Variants in GPR137C observed in about 807,000 individuals in gnomAD.
The protein encoded by GPR137C is integral membrane protein GPR137C.
A neutral mutation model predicts 43.4 loss-of-function variants in GPR137C; 27 were observed. That is an observed-to-expected ratio of 0.62 (90% CI 0.46 to 0.86). GPR137C has a LOEUF of 0.86. GPR137C is among the 40% of genes least tolerant of loss of function. GPR137C has a pLI of 0.00. For synonymous variants in GPR137C, 285 were observed against 226.9 expected, an observed-to-expected ratio of 1.26 and a Z score of -2.30; for missense variants, 522 against 534.6, an observed-to-expected ratio of 0.98 and a Z score of 0.23.
intron 2 of GPR137C, 62 bp downstream of exon 2, chr14:52,598,377 T>C: frequency 2.9e-6 from 2 of 683,028 alleles, no homozygotes; most frequent in Non-Finnish European, 2.5e-6. Context: ...TCATTAATAT[T>C]AAGGCTTAGT....
chr14:52,612,240 C>T, intron 3 of GPR137C: 1 of 976,516 alleles, frequency 1.0e-6, no homozygotes. Context: ...GTATTTGGAA[C>T]TCAGTGTAAA....
intron 3 of GPR137C, chr14:52,611,914 A>G (rs1410417039): frequency 3.1e-6 from 3 of 981,592 alleles, no homozygotes; most frequent in African/African-American, 3.5e-5. Context: ...ACTCGCTATC[A>G]TCTTCATCAT....
chr14:52,577,258 A>G (rs1466433361), intron 1 of GPR137C, among the ~76,000 whole-genome samples: 3 of 151,328 alleles, frequency 2.0e-5, no homozygotes, highest in Non-Finnish European at 4.4e-5. Context: ...TCTATGGGTA[A>G]ACAGTGAAAT....
chr14:52,632,168 T>C lies in GPR137C; in HGVS notation c.726T>C (p.Ser242=). The change falls in exon 4 of 7, where the codon TCT becomes TCC. Residue 242 remains serine (S), a synonymous_variant. Coordinates refer to ENST00000321662, the MANE Select transcript of GPR137C (RefSeq NM_001099652.2). ...ATTTTTATTTGTTTTAGGGTATGTC[T>C]CTGTGCCAGACTGTCGTCGTGGGCT... ...ANVYLESKGM[S]LCQTVVVGSV... 10 of 1,603,418 alleles carry C rather than the reference T, an allele frequency of 6.2e-6. No individual in the cohort carries two copies. The highest frequency in any genetic ancestry group is 1.7e-6 in the Non-Finnish European group (2 of 1,171,308).
At position 52,583,807 on chromosome 14, in the gene GPR137C, A is replaced by C. The variant is rs192861417; in HGVS notation, c.445-14465A>C. Among the ~76,000 whole-genome samples, 4 of 152,192 alleles carry C rather than the reference A, an allele frequency of 2.6e-5. No individual in the cohort carries two copies. In the East Asian group the frequency reaches 5.8e-4, roughly 22 times the overall value. Reference sequence around the variant, plus strand: ...TTTCCTGTGATATATGATCTTTCTCAAAACCCTTATTGATAACCCATCTAA... The same window carrying C: ...TTTCCTGTGATATATGATCTTTCTCCAAACCCTTATTGATAACCCATCTAA... On this transcript the variant is annotated intron_variant, in intron 1 of 6. Coordinates refer to ENST00000321662, the MANE Select transcript of GPR137C (RefSeq NM_001099652.2).
rs766696487 is a variant in GPR137C, at chr14:52,553,395, G to C, written c.248G>C (p.Ser83Thr). 8 of 1,607,400 alleles carry C rather than the reference G, an allele frequency of 5.0e-6. No homozygotes were observed. Among genetic ancestry groups the C allele is most frequent in the African/African-American group, 1.3e-5 (1 of 74,934 alleles). Residue 83 changes from serine (S) to threonine (T), a missense_variant, in exon 1 of 7, where the codon AGC (serine) becomes ACC (threonine). Around this residue, in one of 3 missense-constraint regions of GPR137C, gnomAD observed 437 missense variants for 425.7 expected, o/e 1.03. Coordinates refer to ENST00000321662, the MANE Select transcript of GPR137C (RefSeq NM_001099652.2). The stretch of plus-strand genomic sequence containing the variant: ...CGCGAGCGGCGGCTGAGTTACCAGA[G>C]CCTCTGCCTCTTCCTCTGTCTCCTG... ...LYRERRLSYQ[S>T]LCLFLCLLWA...
Position 52,553,192 on chromosome 14 carries a change from A to G in GPR137C, c.45A>G (p.Ala15=), listed in dbSNP as rs1594774509. Residue 15 remains alanine (A), a synonymous_variant, in exon 1 of 7, where the codon GCA becomes GCG. Transcript: ENST00000321662. ...VPGPAAAAAP[A]AGREPSTPGG... is the part of the protein sequence containing the mutation. Reference sequence around the variant, plus strand: ...GTCCGGCGGCCGCTGCCGCCCCCGCAGCCGGCCGCGAGCCCTCCACGCCCG... The same window carrying G: ...GTCCGGCGGCCGCTGCCGCCCCCGCGGCCGGCCGCGAGCCCTCCACGCCCG... 7.4e-6 allele frequency: 9 copies of G among 1,208,796 alleles called. No homozygotes were observed. Among genetic ancestry groups the G allele is most frequent in the Non-Finnish European group, 9.2e-6 (9 of 974,242 alleles). 74.9% of individuals were successfully genotyped at this position (1,208,796 alleles called of 1,614,324 possible).
chr14:52,594,138 T>C (rs1009884133), intron 1 of GPR137C, among the ~76,000 whole-genome samples: 3 of 152,328 alleles, frequency 2.0e-5, no homozygotes, highest in Middle Eastern at 3.4e-3. Context: ...AGTTGTGCAG[T>C]TCTGAGTGAG....
rs373868411 is a variant in GPR137C, at chr14:52,633,664, T to C, written c.993+9T>C. The C allele has an allele frequency of 1.1e-4, 174 of 1,612,094 alleles. No individual in the cohort carries two copies. Among genetic ancestry groups the C allele is most frequent in the Non-Finnish European group, 1.4e-4 (166 of 1,178,842 alleles). On this transcript the variant is annotated intron_variant, in intron 5 of 6. Coordinates refer to ENST00000321662, the MANE Select transcript of GPR137C (RefSeq NM_001099652.2). ...GATTAAACCAGAATTTGGTATGATA[T>C]AATATTCCCCAATGCCTGTTCTCCT...
At chr14:52,624,780 AC>A in intron 3 of GPR137C, among the ~76,000 whole-genome samples, 1 of 152,196 alleles carries the variant, frequency 6.6e-6, no homozygotes, top group South Asian at 2.1e-4. Context: ...GAAATAGGAA[AC>A]AAAAAATGGA....
chr14:52,604,640 G>A (rs1450335878), intron 3 of GPR137C, among the ~76,000 whole-genome samples: 1 of 152,042 alleles, frequency 6.6e-6, no homozygotes. Flanking sequence ...TAGAGATGGG[G>A]TTTTGCCGTG....
intron 1 of GPR137C, among the ~76,000 whole-genome samples, chr14:52,570,219 AC>A (rs1340932055): frequency 6.6e-6 from 1 of 152,206 alleles, no homozygotes; most frequent in Non-Finnish European, 1.5e-5. Flanking sequence ...AGAATTTTCA[AC>A]CCAGAATTTC....
At chr14:52,591,244 G>T (rs2038780222) in intron 1 of GPR137C, among the ~76,000 whole-genome samples, 1 of 152,018 alleles carries the variant, frequency 6.6e-6, no homozygotes, top group African/African-American at 2.4e-5. Flanking sequence ...ATAGACATTT[G>T]GGTTGCTTCC....
intron 1 of GPR137C, among the ~76,000 whole-genome samples, chr14:52,580,810 A>G (rs1042627307): frequency 9.0e-6 from 1 of 110,968 alleles, no homozygotes; most frequent in Non-Finnish European, 2.1e-5. Context: ...TTTATATATT[A>G]TTTATATTTA....
chr14:52,556,522 G>A lies in GPR137C; in HGVS notation c.444+2931G>A, dbSNP rs1342294907. ...GAAGCCTATAGTTGAGAGAGAGGGG[G>A]AAAAAAAAAAGAAAAGCCACCTTGT... On this transcript the variant is annotated intron_variant, in intron 1 of 6. Transcript: ENST00000321662. Among the ~76,000 whole-genome samples, 19 of 143,670 alleles carry A rather than the reference G, an allele frequency of 1.3e-4. No individual in the cohort carries two copies. The South Asian group carries it at 3.1e-3, about 24-fold the overall frequency. The allele number at this position is 143,670 out of a possible 152,430, so 94.3% of individuals were successfully genotyped here.
chr14:52,601,897 A>G (rs1375073991), intron 3 of GPR137C, among the ~76,000 whole-genome samples: 1 of 151,890 alleles, frequency 6.6e-6, no homozygotes, highest in Non-Finnish European at 1.5e-5. Context: ...CTGAGAAGAA[A>G]ATTTCATTTA....
At chr14:52,618,820 A>ATG (rs2039128073) in intron 3 of GPR137C, among the ~76,000 whole-genome samples, 1 of 152,200 alleles carries the variant, frequency 6.6e-6, no homozygotes, top group Non-Finnish European at 1.5e-5. Flanking sequence ...AACCAGCTAG[A>ATG]TGCTTAGTCC....
At chr14:52,568,396 G>C (rs1211545674) in intron 1 of GPR137C, among the ~76,000 whole-genome samples, 1 of 152,176 alleles carries the variant, frequency 6.6e-6, no homozygotes, top group Admixed American at 6.5e-5. Context: ...TGGACACTGA[G>C]CTAACTGCAG....
intron 3 of GPR137C, among the ~76,000 whole-genome samples, chr14:52,606,618 T>G (rs1010459516): frequency 6.6e-6 from 1 of 152,124 alleles, no homozygotes; most frequent in African/African-American, 2.4e-5. Flanking sequence ...TTAAATTTTT[T>G]GTAGACAGAA....
Sources: gnomAD v4.1 joint callset for allele counts (sites outside exome capture counted in the v4.1 genomes callset) on GRCh38, gnomAD v4.1.1 for gene constraint, gnomAD v4.1.1 regional missense constraint, MANE v1.5 for transcripts, NCBI Gene and HGNC (gene_info 2026-07-23, HGNC 2026-07-21) for gene names.